Variants in YWHAQ observed in about 807,000 individuals in gnomAD.
YWHAQ encodes the protein tyrosine 3-monooxygenase/tryptophan 5-monooxygenase activation protein theta.
A neutral mutation model predicts 28.3 loss-of-function variants in YWHAQ; 6 were observed. That is an observed-to-expected ratio of 0.21 (90% confidence interval 0.12 to 0.42). YWHAQ has a LOEUF of 0.42. Ranked by LOEUF, YWHAQ falls within the 10% of genes least tolerant of loss-of-function variation. The probability of loss-of-function intolerance (pLI) is 1.00; values close to 1 mark genes in which losing one functional copy is unlikely to be tolerated. For synonymous variants in YWHAQ, 143 were observed against 119.1 expected (o/e 1.20, Z -1.31); for missense variants, 201 against 305.6 (o/e 0.66, Z 2.55).
chr2:9,629,469 G>C (rs534491870), intron 2 of YWHAQ, among the ~76,000 whole-genome samples: 84 of 152,306 alleles, frequency 5.5e-4, no homozygotes, highest in African/African-American at 1.9e-3. Flanking sequence ...AACCTGGAAA[G>C]CTTTCCTTGT....
At chr2:9,622,466 T>A (rs1393798752) in intron 2 of YWHAQ, among the ~76,000 whole-genome samples, 2 of 152,212 alleles carry the variant, frequency 1.3e-5, no homozygotes, top group African/African-American at 4.8e-5. Context: ...TTATCAATTT[T>A]CCTACTAGTG....
At chr2:9,619,864 T>C (rs1041672091) in intron 2 of YWHAQ, among the ~76,000 whole-genome samples, 2 of 152,174 alleles carry the variant, frequency 1.3e-5, no homozygotes, top group Non-Finnish European at 2.9e-5. Flanking sequence ...CTAGTATAAA[T>C]ATGTTTAACT....
At chr2:9,601,996 C>G (rs988575264) in intron 2 of YWHAQ, among the ~76,000 whole-genome samples, 1 of 152,042 alleles carries the variant, frequency 6.6e-6, no homozygotes, top group South Asian at 2.1e-4. Flanking sequence ...ATCAAATGAA[C>G]AGATACTAAT....
intron 2 of YWHAQ, among the ~76,000 whole-genome samples, chr2:9,608,975 A>G (rs968122015): frequency 1.3e-5 from 2 of 152,206 alleles, no homozygotes; most frequent in African/African-American, 4.8e-5. Flanking sequence ...AAAAATAACA[A>G]AAATACTCAA....
chr2:9,629,065 T>C (rs1192371510), intron 2 of YWHAQ: 1 of 25,450 alleles, frequency 3.9e-5, no homozygotes, highest in Non-Finnish European at 8.1e-5. Flanking sequence ...GCTTGGGGGG[T>C]GGGGGTGGGG....
intron 2 of YWHAQ, among the ~76,000 whole-genome samples, chr2:9,629,590 A>G (rs1178985145): frequency 1.3e-5 from 2 of 152,062 alleles, no homozygotes; most frequent in Non-Finnish European, 2.9e-5. Flanking sequence ...TGTGTTCTTC[A>G]GATACAGCTG....
intron 2 of YWHAQ, among the ~76,000 whole-genome samples, chr2:9,608,809 G>T (rs547475803): frequency 6.6e-6 from 1 of 152,246 alleles, no homozygotes; most frequent in African/African-American, 2.4e-5. Context: ...GCGTGTTGGC[G>T]GGTGCCTGTA....
At chr2:9,596,522 A>T (rs1666573539) in intron 2 of YWHAQ, among the ~76,000 whole-genome samples, 1 of 152,202 alleles carries the variant, frequency 6.6e-6, no homozygotes, top group African/African-American at 2.4e-5. Context: ...ATGTTCTAAG[A>T]AGTTTCATTT....
chr2:9,624,007 G>A (rs1003245861), intron 2 of YWHAQ, among the ~76,000 whole-genome samples: 6 of 152,234 alleles, frequency 3.9e-5, no homozygotes, highest in South Asian at 2.1e-4. Context: ...AGTGGTTCAC[G>A]CCTGTAATCT....
intron 2 of YWHAQ, among the ~76,000 whole-genome samples, chr2:9,596,786 C>T (rs1428552157): frequency 6.6e-6 from 1 of 152,088 alleles, no homozygotes; most frequent in African/African-American, 2.4e-5. Flanking sequence ...CACCTGCATC[C>T]TTCGCCTCCC....
Position 9,606,650 on chromosome 2 carries a change from C to T in YWHAQ, c.295-15135G>A, listed in dbSNP as rs1475409993. Among the ~76,000 whole-genome samples the T allele has an allele frequency of 2.0e-5, 3 of 152,264 alleles. No homozygotes were observed. The East Asian group carries it at 5.8e-4, about 29-fold the overall frequency. ...GTTCACGCCATTATCCTGCCTCAGC[C>T]TCCTGAGTAGCTGGGATTACAGGCA... On this transcript the variant is annotated intron_variant, in intron 2 of 5. Transcript: ENST00000238081.
rs373509981 is a variant in YWHAQ, at chr2:9,585,390, C to T, written c.679-45G>A. 11 of 1,593,158 alleles carry T rather than the reference C, an allele frequency of 6.9e-6. No homozygotes were observed. The Admixed American group carries it at 8.3e-5, about 12-fold the overall frequency. On this transcript the variant is annotated intron_variant, in intron 5 of 5. Transcript: ENST00000238081. ...ATTAAGTTACTATTTCTAGATTAGG[C>T]AATTACACTAAGTAGTATTGTTATA...
chr2:9,606,475 C>T (rs1234299932), intron 2 of YWHAQ, among the ~76,000 whole-genome samples: 4 of 152,280 alleles, frequency 2.6e-5, no homozygotes, highest in South Asian at 4.1e-4. Context: ...TACCTTACTA[C>T]AGTTTTATTA....
At chr2:9,626,548 C>T (rs1328516445) in intron 2 of YWHAQ, among the ~76,000 whole-genome samples, 1 of 152,262 alleles carries the variant, frequency 6.6e-6, no homozygotes, top group Non-Finnish European at 1.5e-5. Context: ...CCTGCCTCGG[C>T]CTCCCGAGTA....
intron 3 of YWHAQ, among the ~76,000 whole-genome samples, chr2:9,589,190 G>A (rs1284847460): frequency 6.6e-6 from 1 of 152,106 alleles, no homozygotes; most frequent in Non-Finnish European, 1.5e-5. Flanking sequence ...AAAAACATGA[G>A]ATATTATAGT....
At position 9,630,224 on chromosome 2, in the gene YWHAQ, G is replaced by C. The variant is rs1667335747; in HGVS notation, c.229C>G (p.Gln77Glu). 1.2e-6 allele frequency: 2 copies of C among 1,614,098 alleles called. No individual in the cohort carries two copies. The part of the protein sequence containing the change: ...QKTDTSDKKL[Q>E]LIKDYREKVE... ...TTCTCCCGATAGTCCTTAATCAGCT[G>C]CAACTTCTTGTCGGAGGTGTCGGTC... Residue 77 changes from glutamine (Q) to glutamate (E), a missense_variant, in exon 2 of 6, where the codon CAG becomes GAG. By Grantham distance (29) the Gln-to-Glu change is conservative. Around this residue, in one of 2 missense-constraint regions of YWHAQ, gnomAD observed 162 missense variants for 213.9 expected, o/e 0.76. Transcript: ENST00000238081. This position sits in a 1 kb window ranked among gnomAD's most constrained non-coding sequence, Gnocchi z 5.6.
In YWHAQ at chr2:9,591,646, T is replaced by G. The variant is rs138977724; in HGVS notation, c.295-131A>C. 100 of 1,179,504 alleles carry G rather than the reference T, an allele frequency of 8.5e-5. No individual in the cohort carries two copies. The African/African-American group carries it at 1.4e-3, about 16-fold the overall frequency. 73.1% of individuals were successfully genotyped at this position (1,179,504 alleles called of 1,614,324 possible). On this transcript the variant is annotated intron_variant, in intron 2 of 5. Coordinates refer to ENST00000238081, the MANE Select transcript of YWHAQ (RefSeq NM_006826.4). ...ACAGTAATACTATACCATACCAGCCTGGACTTGAAGCATGTTCTTAGAGCA... is the reference window on the plus strand; with the variant it reads ...ACAGTAATACTATACCATACCAGCCGGGACTTGAAGCATGTTCTTAGAGCA...
At chr2:9,594,141 C>T (rs1666521577) in intron 2 of YWHAQ, among the ~76,000 whole-genome samples, 1 of 151,940 alleles carries the variant, frequency 6.6e-6, no homozygotes, top group African/African-American at 2.4e-5. Context: ...ATTAGGGCCA[C>T]ACCCAAATTA....
chr2:9,624,415 C>T (rs570198186), intron 2 of YWHAQ, among the ~76,000 whole-genome samples: 6 of 152,196 alleles, frequency 3.9e-5, no homozygotes, highest in South Asian at 4.1e-4. Context: ...GATATCAACA[C>T]GTTAGGAAGA....
Sources: gnomAD v4.1 joint callset for allele counts (sites outside exome capture counted in the v4.1 genomes callset) on GRCh38, gnomAD v4.1.1 for gene constraint, gnomAD v4.1.1 regional missense constraint, Gnocchi (gnomAD v3.1) non-coding constraint, MANE v1.5 for transcripts, NCBI Gene and HGNC (gene_info 2026-07-23, HGNC 2026-07-21) for gene names.